KCNH2: variants seen among roughly 807,000 people sequenced by gnomAD.
The protein encoded by KCNH2 is voltage-gated inwardly rectifying potassium channel KCNH2.
Under a neutral mutation model 95.9 loss-of-function variants are expected in KCNH2, and 35 were observed. The observed-to-expected ratio is 0.37, with a 90% CI of 0.28 to 0.48. The LOEUF is 0.48. Among genes scored for constraint, KCNH2 ranks in the 20% least tolerant of loss-of-function variants. The pLI, the probability that KCNH2 is intolerant of heterozygous loss-of-function variation, is 0.99. For missense variants in KCNH2, 1,274 were observed against 1,702.9 expected, an observed-to-expected ratio of 0.75 and a Z score of 4.43; for synonymous variants, 786 against 754.7, an observed-to-expected ratio of 1.04 and a Z score of -0.68.
At chr7:150,955,595 C>T in intron 5 of KCNH2, 1 of 1,449,340 alleles carries the variant, frequency 6.9e-7, no homozygotes. Flanking sequence ...CCAGCCCAGG[C>T]TGCACCCCCG....
rs952570383 is a variant in KCNH2 at position 150,945,151 on chromosome 7, C to T, written c.*214G>A. 2 of 606,736 alleles carry T rather than the reference C, an allele frequency of 3.3e-6. No homozygotes were observed. Among genetic ancestry groups the T allele is most frequent in the Non-Finnish European group, 5.7e-6 (2 of 349,366 alleles). The allele number at this position is 606,736 out of a possible 1,614,324, so 37.6% of individuals were successfully genotyped here. On this transcript the variant is annotated 3_prime_UTR_variant, in exon 15 of 15. Coordinates refer to ENST00000262186, the MANE Select transcript of KCNH2 (RefSeq NM_000238.4). This position sits in a 1 kb window ranked among gnomAD's most constrained non-coding sequence, Gnocchi z 5.6. ...TGCCCTCAGGGCAGTGGGGGGACCACAGGCCCCACCTACTGCCGGCCCTGC... is the reference window on the plus strand; with the variant it reads ...TGCCCTCAGGGCAGTGGGGGGACCATAGGCCCCACCTACTGCCGGCCCTGC...
At position 150,974,944 on chromosome 7, in the gene KCNH2, AG is replaced by A. The variant is rs1303184334; in HGVS notation, c.77-4del. 3.1e-6 allele frequency: 5 copies of A among 1,591,218 alleles called. No individual in the cohort carries two copies. Among genetic ancestry groups the A allele is most frequent in the Non-Finnish European group, 2.6e-6 (3 of 1,170,152 alleles). On this transcript the variant is annotated splice_region_variant and splice_polypyrimidine_tract_variant and intron_variant, in intron 1 of 14. Coordinates refer to ENST00000262186, the MANE Select transcript of KCNH2 (RefSeq NM_000238.4). ...GTTGGCGATGATGAACTTACGGCCT[AG>A]GGGGGCGGGGAGGAGAGTGCGCGTG...
rs1800849334 is a variant in KCNH2 at position 150,945,303 on chromosome 7, G to A, written c.*62C>T. 1 of 1,522,574 alleles carries A rather than the reference G, an allele frequency of 6.6e-7. No homozygotes were observed. Among genetic ancestry groups the A allele is most frequent in the Admixed American group, 2.0e-5 (1 of 50,544 alleles). 94.3% of individuals were successfully genotyped at this position (1,522,574 alleles called of 1,614,324 possible). Reference sequence around the variant, plus strand: ...GGGCCTCCTGAGCAGGGCCTCCAAGGGGAGCGGCCCAGCAGCGCCTTGATC... The same window carrying A: ...GGGCCTCCTGAGCAGGGCCTCCAAGAGGAGCGGCCCAGCAGCGCCTTGATC... On this transcript the variant is annotated 3_prime_UTR_variant, in exon 15 of 15. Transcript: ENST00000262186. This position sits in a 1 kb window ranked among gnomAD's most constrained non-coding sequence, Gnocchi z 5.6.
chr7:150,948,641 G>C, intron 10 of KCNH2, 98 bp from the exon 11 acceptor site: 2 of 1,252,768 alleles, frequency 1.6e-6, no homozygotes, highest in Non-Finnish European at 2.3e-6. Context: ...AGTAGGGCTG[G>C]GCGCCCCAGC....
intron 2 of KCNH2, among the ~76,000 whole-genome samples, chr7:150,972,043 T>C (rs913267759): frequency 6.6e-6 from 1 of 152,096 alleles, no homozygotes; most frequent in Non-Finnish European, 1.5e-5. Flanking sequence ...CGGGCCTGAC[T>C]TCAAGGGGCA....
At position 150,961,466 on chromosome 7, in the gene KCNH2, T is replaced by C. The variant is rs1430265162; in HGVS notation, c.308-1730A>G. On this transcript the variant is annotated intron_variant, in intron 2 of 14. Transcript: ENST00000262186. The surrounding 1 kb of genome is among the most constrained non-coding windows in gnomAD (Gnocchi z 6.2). ...CTGCATGCTACCACACCCAGCTAAC[T>C]TTTGTATATTTTGATAGAGACAGGG... Among the ~76,000 whole-genome samples the C allele has an allele frequency of 2.6e-5, 4 of 152,084 alleles. No individual in the cohort carries two copies. The highest frequency in any genetic ancestry group is 7.2e-5 in the African/African-American group (3 of 41,390).
chr7:150,963,002 C>T (rs1801608457), intron 2 of KCNH2, among the ~76,000 whole-genome samples: 1 of 152,180 alleles, frequency 6.6e-6, no homozygotes, highest in South Asian at 2.1e-4. Flanking sequence ...CCTTCACTTG[C>T]CCCAGTGCCA....
rs765717858 is a variant in KCNH2 at position 150,950,986 on chromosome 7, G to A, written c.2080C>T (p.Arg694Cys). The change falls in exon 8 of 15, where the codon CGC becomes TGC. Residue 694 changes from arginine (R) to cysteine (C), a missense_variant. Arg to Cys is a radical substitution (Grantham distance 180). Coordinates refer to ENST00000262186, the MANE Select transcript of KCNH2 (RefSeq NM_000238.4). ...IRFHQIPNPL[R>C]QRLEEYFQHA... The stretch of plus-strand genomic sequence containing the variant: ...TGGAAGTACTCCTCGAGGCGCTGGC[G>A]CAGGGGATTGGGGATCTGGTGGAAG... 3.1e-6 allele frequency: 5 copies of A among 1,614,256 alleles called. No homozygotes were observed. Among genetic ancestry groups the A allele is most frequent in the African/African-American group, 2.7e-5 (2 of 75,072 alleles).
At chr7:150,954,672 A>C (rs1265816808) in intron 5 of KCNH2, among the ~76,000 whole-genome samples, 1 of 152,180 alleles carries the variant, frequency 6.6e-6, no homozygotes, top group African/African-American at 2.4e-5. Context: ...TGTATGAGCC[A>C]AGGCAGAATG....
chr7:150,956,198 C>G (rs1801371522), intron 5 of KCNH2, among the ~76,000 whole-genome samples: 1 of 152,120 alleles, frequency 6.6e-6, no homozygotes, highest in Non-Finnish European at 1.5e-5. Context: ...ATGCCAGGGG[C>G]TCAGGTGGGA....
chr7:150,970,980 C>T (rs1216730127), intron 2 of KCNH2, among the ~76,000 whole-genome samples: 2 of 152,194 alleles, frequency 1.3e-5, no homozygotes, highest in Non-Finnish European at 2.9e-5. Context: ...TCAGCTCAGA[C>T]CCAGGGGGCT....
rs533596901 is a variant in KCNH2, at chr7:150,970,310, C to T, written c.307+4401G>A. On this transcript the variant is annotated intron_variant, in intron 2 of 14. Transcript: ENST00000262186. ...CCTTCTGCTGCCCCATGGCCCCCCT[C>T]CCCAGAGCCCAAGGCCACCATCAAA... Among the ~76,000 whole-genome samples the T allele has an allele frequency of 2.6e-4, 39 of 152,122 alleles. No homozygotes were observed. The South Asian group carries it at 7.3e-3, about 28-fold the overall frequency.
In KCNH2 at chr7:150,957,447, G is replaced by A. The variant is rs146297032; in HGVS notation, c.972C>T (p.Leu324=). 18 of 1,614,080 alleles carry A rather than the reference G, an allele frequency of 1.1e-5. No homozygotes were observed. The East Asian group carries it at 2.2e-4, about 20-fold the overall frequency. ...GLLNSTSDSD[L]VRYRTISKIP... is the part of the protein sequence containing the mutation. ...TCTTGCTAATGGTGCGGTAGCGCAC[G>A]AGGTCGGAGTCCGAGGTGGAGTTGA... The change falls in exon 5 of 15, where the codon CTC becomes CTT. Residue 324 remains leucine, a synonymous_variant. Coordinates refer to ENST00000262186, the MANE Select transcript of KCNH2 (RefSeq NM_000238.4).
chr7:150,977,391 CA>C, intron 1 of KCNH2, among the ~76,000 whole-genome samples: 1 of 152,330 alleles, frequency 6.6e-6, no homozygotes, highest in African/African-American at 2.4e-5. Flanking sequence ...CACGGCTTTT[CA>C]GTCCCTCCGG....
rs1275732521 is a variant in KCNH2, at chr7:150,952,314, C to CTCTT, written c.1557+110_1557+111insAAGA. On this transcript the variant is annotated intron_variant, in intron 6 of 14. Coordinates refer to ENST00000262186, the MANE Select transcript of KCNH2 (RefSeq NM_000238.4). This position sits in a 1 kb window ranked among gnomAD's most constrained non-coding sequence, Gnocchi z 7.3. ...TCTCCCACTGTCTTTCTCTCTTTCT[C>CTCTT]TCTCTCTCTCTTTTTCTCTGTCCTC... 1.4e-5 allele frequency: 16 copies of CTCTT among 1,150,438 alleles called. No individual in the cohort carries two copies. Among genetic ancestry groups the CTCTT allele is most frequent in the East Asian group, 5.1e-5 (2 of 38,966 alleles). 71.3% of individuals were successfully genotyped at this position (1,150,438 alleles called of 1,614,324 possible).
chr7:150,953,468 A>C (rs1801259892), intron 5 of KCNH2, among the ~76,000 whole-genome samples: 1 of 151,878 alleles, frequency 6.6e-6, no homozygotes, highest in Non-Finnish European at 1.5e-5. Flanking sequence ...TCATCCTCCC[A>C]CCCTCTTACA....
chr7:150,950,062 A>C lies in KCNH2; in HGVS notation c.2398+106T>G, dbSNP rs1489831109. ...AATTAAAGGAGCCCAGTGACCCTGCAGGCAGTCCCAGGTCCACAGCCCCAG... is the reference window on the plus strand; with the variant it reads ...AATTAAAGGAGCCCAGTGACCCTGCCGGCAGTCCCAGGTCCACAGCCCCAG... On this transcript the variant is annotated intron_variant, in intron 9 of 14. Transcript: ENST00000262186. The C allele has an allele frequency of 1.9e-6, 3 of 1,612,160 alleles. No homozygotes were observed. In the South Asian group the frequency reaches 3.3e-5, roughly 18 times the overall value.
chr7:150,972,996 T>C (rs892720222), intron 2 of KCNH2, among the ~76,000 whole-genome samples: 8 of 152,166 alleles, frequency 5.3e-5, no homozygotes, highest in African/African-American at 1.9e-4. Context: ...GGCACCGTGT[T>C]TACAGAGCAC....
intron 5 of KCNH2, chr7:150,955,548 G>A (rs1394085251): frequency 6.6e-7 from 1 of 1,516,426 alleles, no homozygotes. Flanking sequence ...GGGCCTGAGG[G>A]CCCGGCCACT....
Sources: allele counts gnomAD v4.1 joint callset (sites outside exome capture counted in the v4.1 genomes callset), GRCh38; gene constraint gnomAD v4.1.1; non-coding constraint Gnocchi (gnomAD v3.1); transcripts MANE v1.5; gene names NCBI Gene and HGNC (gene_info 2026-07-23, HGNC 2026-07-21).